The following NRG1 variants were observed in gnomAD, a reference collection of about 807,000 sequenced individuals.
NRG1 encodes the protein pro-neuregulin-1, membrane-bound isoform.
Under a neutral mutation model 63.8 loss-of-function variants are expected in NRG1, and 18 were observed. The ratio of observed to expected loss-of-function variants is 0.28; its 90% CI spans 0.19 to 0.42. NRG1 has a LOEUF of 0.42. NRG1 is among the 10% of genes least tolerant of loss of function. The pLI is 1.00. For synonymous variants in NRG1, 302 were observed against 301.3 expected (o/e 1.00, Z -0.02); for missense variants, 762 against 814.7 (o/e 0.94, Z 0.79).
intron 1 of NRG1, among the ~76,000 whole-genome samples, chr8:32,054,179 T>C (rs1461338610): frequency 6.6e-6 from 1 of 152,128 alleles, no homozygotes; most frequent in Non-Finnish European, 1.5e-5. Flanking sequence ...AAATTCCCAA[T>C]ACAGACATGG....
chr8:31,711,161 G>C (rs1186983589), intron 1 of NRG1, among the ~76,000 whole-genome samples: 1 of 151,906 alleles, frequency 6.6e-6, no homozygotes, highest in Admixed American at 6.6e-5. Context: ...AATTTTACCA[G>C]TTCTGCTTGG....
intron 1 of NRG1, among the ~76,000 whole-genome samples, chr8:32,370,857 CAAA>C (rs570354347): frequency 7.1e-4 from 37 of 52,030 alleles, no homozygotes; most frequent in Middle Eastern, 0.017. Context: ...GACTCTGTCT[CAAA>C]AAAAAAAAAA....
At chr8:32,554,739 G>A (rs1834786355) in intron 1 of NRG1, among the ~76,000 whole-genome samples, 1 of 152,198 alleles carries the variant, frequency 6.6e-6, no homozygotes. Context: ...GATTATGACT[G>A]ATAAAGTGCA....
intron 1 of NRG1, among the ~76,000 whole-genome samples, chr8:31,920,821 T>A (rs1833834173): frequency 6.6e-6 from 1 of 151,948 alleles, no homozygotes; most frequent in Non-Finnish European, 1.5e-5. Flanking sequence ...AGGACTCAGG[T>A]GCTGGCTATG....
At chr8:31,763,554 A>T (rs1817757895) in intron 1 of NRG1, among the ~76,000 whole-genome samples, 1 of 152,206 alleles carries the variant, frequency 6.6e-6, no homozygotes, top group African/African-American at 2.4e-5. Context: ...GTATCATGAA[A>T]CCAAGTAATG....
intron 1 of NRG1, among the ~76,000 whole-genome samples, chr8:32,416,858 G>T (rs1321404489): frequency 2.0e-5 from 3 of 151,980 alleles, no homozygotes; most frequent in African/African-American, 7.3e-5. Context: ...GCTAATTTTT[G>T]TATTTTTGGT....
intron 3 of NRG1, among the ~76,000 whole-genome samples, chr8:32,611,895 A>G (rs1384298606): frequency 2.6e-5 from 4 of 152,108 alleles, no homozygotes; most frequent in African/African-American, 9.6e-5. Context: ...TCATGATGAA[A>G]TTGCAAACAT....
intron 1 of NRG1, among the ~76,000 whole-genome samples, chr8:32,142,605 A>G (rs1836405027): frequency 6.6e-6 from 1 of 152,150 alleles, no homozygotes; most frequent in Non-Finnish European, 1.5e-5. Context: ...AGCAAATTGG[A>G]AGGGGCCAGA....
At chr8:32,471,980 C>T (rs1213284615) in intron 1 of NRG1, among the ~76,000 whole-genome samples, 1 of 152,160 alleles carries the variant, frequency 6.6e-6, no homozygotes, top group Admixed American at 6.5e-5. Context: ...TATATTTAAA[C>T]AGGGAGAAGA....
intron 1 of NRG1, among the ~76,000 whole-genome samples, chr8:32,159,851 G>A (rs142340031): frequency 1.8e-4 from 28 of 152,202 alleles, no homozygotes; most frequent in Non-Finnish European, 3.5e-4. Flanking sequence ...GAGATCAACC[G>A]TTTCATGATG....
intron 1 of NRG1, among the ~76,000 whole-genome samples, chr8:31,737,997 A>G (rs746226245): frequency 2.2e-4 from 34 of 152,102 alleles, no homozygotes; most frequent in Non-Finnish European, 3.7e-4. Flanking sequence ...TTAACATTCT[A>G]CTGGACTAAT....
chr8:32,303,182 TCC>T (rs1491004795), intron 1 of NRG1, among the ~76,000 whole-genome samples: 5 of 31,070 alleles, frequency 1.6e-4, no homozygotes, highest in East Asian at 1.9e-3. Flanking sequence ...AAACTCAGTC[TCC>T]AAAAAAAAAA....
chr8:31,738,843 A>G (rs528498556), intron 1 of NRG1, among the ~76,000 whole-genome samples: 1 of 152,054 alleles, frequency 6.6e-6, no homozygotes, highest in Admixed American at 6.6e-5. Flanking sequence ...ACACATTTTC[A>G]TCTTTTTGTA....
At chr8:31,705,140 G>T (rs945673986) in intron 1 of NRG1, among the ~76,000 whole-genome samples, 2 of 151,924 alleles carry the variant, frequency 1.3e-5, no homozygotes, top group Non-Finnish European at 2.9e-5. Flanking sequence ...GGGTTCAAGC[G>T]ATTCTCCTGC....
At chr8:32,068,625 G>T (rs1023698664) in intron 1 of NRG1, among the ~76,000 whole-genome samples, 5 of 152,094 alleles carry the variant, frequency 3.3e-5, no homozygotes, top group Admixed American at 3.3e-4. Context: ...TCTGTGCATG[G>T]CATTACCCCT....
At chr8:31,988,833 C>T (rs1022727935) in intron 1 of NRG1, among the ~76,000 whole-genome samples, 4 of 152,064 alleles carry the variant, frequency 2.6e-5, no homozygotes, top group African/African-American at 9.7e-5. Context: ...TATGCTTTTC[C>T]AGTTCTGCTT....
chr8:32,190,657 C>T (rs1468104129), intron 1 of NRG1, among the ~76,000 whole-genome samples: 1 of 152,190 alleles, frequency 6.6e-6, no homozygotes, highest in Non-Finnish European at 1.5e-5. Flanking sequence ...TTATTCTAGG[C>T]TTCCTGATAA....
intron 1 of NRG1, among the ~76,000 whole-genome samples, chr8:31,976,174 T>A (rs1178376822): frequency 6.6e-6 from 1 of 152,204 alleles, no homozygotes; most frequent in Non-Finnish European, 1.5e-5. Flanking sequence ...AATCCTGATG[T>A]CTGCCAATTA....
intron 1 of NRG1, among the ~76,000 whole-genome samples, chr8:32,368,406 AT>A (rs558858566): frequency 2.9e-4 from 43 of 149,074 alleles, no homozygotes; most frequent in East Asian, 1.4e-3. Flanking sequence ...CTGTCTCTAA[AT>A]TTTTTTTTTT....
Sources: allele counts gnomAD v4.1 joint callset (sites outside exome capture counted in the v4.1 genomes callset), GRCh38; gene constraint gnomAD v4.1.1; transcripts MANE v1.5; gene names NCBI Gene and HGNC (gene_info 2026-07-23, HGNC 2026-07-21).